Variants in GSK3B observed in about 807,000 individuals in gnomAD.
GSK3B encodes the protein glycogen synthase kinase 3 beta.
In GSK3B, 15 loss-of-function variants were observed where a neutral mutation model predicts 56.4. That is an observed-to-expected ratio of 0.27 (90% CI 0.18 to 0.41). The LOEUF (loss-of-function observed/expected upper bound fraction) is 0.41, where lower values mean the gene tolerates loss of function less well. Among genes scored for constraint, GSK3B ranks in the 10% least tolerant of loss-of-function variants. The pLI is 1.00. For synonymous variants in GSK3B, 181 were observed against 188.9 expected (o/e 0.96, Z 0.34); for missense variants, 300 against 513.4 (o/e 0.58, Z 4.02).
intron 8 of GSK3B, 87 bp downstream of exon 8, chr3:119,876,326 T>C: frequency 2.7e-6 from 2 of 747,758 alleles, no homozygotes; most frequent in Non-Finnish European, 4.8e-6. Flanking sequence ...TTCATGCAAC[T>C]ATCTGATCTC....
chr3:119,864,983 CT>C (rs2056157925), intron 8 of GSK3B, among the ~76,000 whole-genome samples: 1 of 152,072 alleles, frequency 6.6e-6, no homozygotes, highest in African/African-American at 2.4e-5. Flanking sequence ...TATCTTTATT[CT>C]TTTGAATACT....
intron 4 of GSK3B, among the ~76,000 whole-genome samples, chr3:119,916,987 T>C (rs1303332523): frequency 1.3e-5 from 2 of 152,294 alleles, no homozygotes; most frequent in African/African-American, 4.8e-5. Context: ...GAGTATAATT[T>C]AAACCTTCTG....
chr3:119,879,831 A>G (rs910968089), intron 7 of GSK3B, among the ~76,000 whole-genome samples: 1 of 152,198 alleles, frequency 6.6e-6, no homozygotes, highest in Non-Finnish European at 1.5e-5. Flanking sequence ...ATGAGTATAT[A>G]TATCACATTT....
chr3:120,082,102 G>C (rs1398370023), intron 1 of GSK3B, among the ~76,000 whole-genome samples: 1 of 151,880 alleles, frequency 6.6e-6, no homozygotes, highest in Non-Finnish European at 1.5e-5. Context: ...CTAAAATAAG[G>C]GTGGAAAGAA....
intron 1 of GSK3B, 56 bp from the exon 2 acceptor site, chr3:120,002,295 A>G: frequency 1.1e-6 from 1 of 929,392 alleles, no homozygotes; most frequent in Non-Finnish European, 1.5e-6. Flanking sequence ...TTAAATAGAG[A>G]AAACTGCCAA....
intron 1 of GSK3B, among the ~76,000 whole-genome samples, chr3:120,011,998 A>C (rs2057782629): frequency 6.6e-6 from 1 of 152,196 alleles, no homozygotes; most frequent in African/African-American, 2.4e-5. Context: ...AAAGAAGATA[A>C]TGTTTCCAAT....
chr3:119,985,756 T>G (rs2057510086), intron 2 of GSK3B, among the ~76,000 whole-genome samples: 1 of 152,220 alleles, frequency 6.6e-6, no homozygotes, highest in Non-Finnish European at 1.5e-5. Context: ...ACGGCCATAC[T>G]GCCCAAAGTA....
chr3:120,086,388 G>A (rs2058463538), intron 1 of GSK3B, among the ~76,000 whole-genome samples: 1 of 152,186 alleles, frequency 6.6e-6, no homozygotes, highest in African/African-American at 2.4e-5. Context: ...AGACAGAGGT[G>A]ACCCAGTTCT....
chr3:119,920,526 A>T (rs1252028432), intron 4 of GSK3B, among the ~76,000 whole-genome samples: 1 of 152,220 alleles, frequency 6.6e-6, no homozygotes, highest in Non-Finnish European at 1.5e-5. Context: ...TACAGGCATG[A>T]GCCAATGTGC....
At chr3:119,828,690 T>C (rs949474300) in intron 10 of GSK3B, among the ~76,000 whole-genome samples, 4 of 152,248 alleles carry the variant, frequency 2.6e-5, no homozygotes, top group African/African-American at 7.2e-5. Flanking sequence ...GGGAACTCTA[T>C]GATGGATTAG....
chr3:119,870,506 A>T (rs2056237111), intron 8 of GSK3B, among the ~76,000 whole-genome samples: 1 of 152,158 alleles, frequency 6.6e-6, no homozygotes, highest in Non-Finnish European at 1.5e-5. Flanking sequence ...ATTATGTCTT[A>T]CTTAGTATTC....
intron 9 of GSK3B, among the ~76,000 whole-genome samples, chr3:119,854,179 C>T (rs1204454651): frequency 2.0e-5 from 3 of 152,098 alleles, no homozygotes; most frequent in East Asian, 1.9e-4. Context: ...GAGATAATCA[C>T]GTGGTTTTTG....
chr3:119,917,952 T>G (rs1260038640), intron 4 of GSK3B, among the ~76,000 whole-genome samples: 1 of 152,104 alleles, frequency 6.6e-6, no homozygotes. Flanking sequence ...AACTGCTTTA[T>G]GTGTATTATT....
intron 1 of GSK3B, among the ~76,000 whole-genome samples, chr3:120,053,861 T>C (rs2058171330): frequency 6.6e-6 from 1 of 152,228 alleles, no homozygotes; most frequent in African/African-American, 2.4e-5. Flanking sequence ...TCCTCCTTGC[T>C]ATCCACCATG....
At chr3:120,013,709 A>G (rs183823857) in intron 1 of GSK3B, among the ~76,000 whole-genome samples, 7 of 152,320 alleles carry the variant, frequency 4.6e-5, no homozygotes, top group Admixed American at 3.9e-4. Flanking sequence ...GGCACTGCCA[A>G]TTATTTCTCT....
intron 1 of GSK3B, among the ~76,000 whole-genome samples, chr3:120,076,711 G>A (rs2058369771): frequency 6.6e-6 from 1 of 150,690 alleles, no homozygotes; most frequent in African/African-American, 2.4e-5. Flanking sequence ...CTACACGGGA[G>A]GCTGAGGCAG....
chr3:120,064,956 C>G (rs2107556886), intron 1 of GSK3B, among the ~76,000 whole-genome samples: 1 of 152,216 alleles, frequency 6.6e-6, no homozygotes, highest in Middle Eastern at 3.4e-3. Context: ...TTACCTTACT[C>G]CATATACTAA....
At chr3:119,841,491 CCT>C (rs1198864224) in intron 10 of GSK3B, among the ~76,000 whole-genome samples, 1 of 152,124 alleles carries the variant, frequency 6.6e-6, no homozygotes, top group Non-Finnish European at 1.5e-5. Flanking sequence ...ATTAACGTAA[CCT>C]GGGCCAGTAT....
chr3:119,954,302 T>TAGAATAGAATAGAAA (rs1559851402), intron 2 of GSK3B, among the ~76,000 whole-genome samples: 5 of 96,924 alleles, frequency 5.2e-5, no homozygotes, highest in East Asian at 2.4e-4. Context: ...TAGAATAGAA[T>TAGAATAGAATAGAAA]AGAAAAGAAA....
Sources: allele counts gnomAD v4.1 joint callset (sites outside exome capture counted in the v4.1 genomes callset), GRCh38; gene constraint gnomAD v4.1.1; transcripts MANE v1.5; gene names NCBI Gene and HGNC (gene_info 2026-07-23, HGNC 2026-07-21).